Variants in SASH1 observed in about 807,000 individuals in gnomAD.
SASH1 encodes SAM and SH3 domain-containing protein 1.
A neutral mutation model predicts 125.2 loss-of-function variants in SASH1; 44 were observed. The observed-to-expected ratio is 0.35, with a 90% confidence interval of 0.28 to 0.45. SASH1 has a LOEUF of 0.45. SASH1 is among the 20% of genes least tolerant of loss of function. The probability of loss-of-function intolerance (pLI) is 1.00; values close to 1 mark genes in which losing one functional copy is unlikely to be tolerated. For synonymous variants in SASH1, 639 were observed against 649.1 expected (o/e 0.98, Z 0.24); for missense variants, 1,426 against 1,614.5 (o/e 0.88, Z 2.00).
intron 8 of SASH1, among the ~76,000 whole-genome samples, chr6:148,491,517 G>A (rs1441063407): frequency 6.6e-6 from 1 of 152,136 alleles, no homozygotes; most frequent in Non-Finnish European, 1.5e-5. Flanking sequence ...TGATTCACCC[G>A]CCTCGGCCTA....
chr6:148,405,595 C>G lies in SASH1; in HGVS notation c.285+15333C>G, dbSNP rs118176491. Among the ~76,000 whole-genome samples the G allele has an allele frequency of 4.6e-5, 7 of 152,178 alleles. No individual in the cohort carries two copies. In the East Asian group the frequency reaches 1.4e-3, roughly 30 times the overall value. On this transcript the variant is annotated intron_variant, in intron 2 of 19. Transcript: ENST00000367467. Reference sequence around the variant, plus strand: ...TCCTTGCTACCTCTGGCCTTTGTTCCCTCCTCATATTGCTTGGCTCTCCAT... The same window carrying G: ...TCCTTGCTACCTCTGGCCTTTGTTCGCTCCTCATATTGCTTGGCTCTCCAT...
the SASH1 span, among the ~76,000 whole-genome samples, chr6:148,264,176 CGAAAAAAAAAA>C: frequency 4.0e-4 from 21 of 52,408 alleles, no homozygotes; most frequent in East Asian, 9.9e-3. Context: ...TTATTTTGAC[CGAAAAAAAAAA>C]AAAAAAAAAA....
intron 2 of SASH1, among the ~76,000 whole-genome samples, chr6:148,421,797 G>A (rs925193803): frequency 6.6e-6 from 1 of 152,126 alleles, no homozygotes; most frequent in Non-Finnish European, 1.5e-5. Flanking sequence ...ATCTTATTGT[G>A]CTTTTAAACT....
At chr6:148,213,744 C>A in the SASH1 span, among the ~76,000 whole-genome samples, 3 of 152,044 alleles carry the variant, frequency 2.0e-5, no homozygotes, top group Non-Finnish European at 4.4e-5. Flanking sequence ...TCTGTATGTG[C>A]TTGGAGACTT....
At chr6:148,435,378 CA>C (rs35272119) in intron 2 of SASH1, among the ~76,000 whole-genome samples, 39,337 of 104,464 alleles carry the variant, frequency 0.38, 4,598 homozygotes, top group South Asian at 0.58. Flanking sequence ...GACTCTGACT[CA>C]AAAAAAAAAA....
rs1179220015 is a variant in SASH1 at position 148,487,129 on chromosome 6, A to ATATG, written c.628-484_628-483insATGT. The stretch of plus-strand genomic sequence containing the variant: ...CACACACACATATATATATATATAT[A>ATATG]TGTGTATGTTTCAGGGTTTGACCCC... On this transcript the variant is annotated intron_variant, in intron 7 of 19. Transcript: ENST00000367467. Among the ~76,000 whole-genome samples, 5 of 146,412 alleles carry ATATG rather than the reference A, an allele frequency of 3.4e-5. No individual in the cohort carries two copies. In the East Asian group the frequency reaches 6.0e-4, roughly 18 times the overall value.
intron 1 of SASH1, among the ~76,000 whole-genome samples, chr6:148,325,260 TTTTGTTG>T (rs1780765509): frequency 1.9e-5 from 1 of 52,020 alleles, no homozygotes; most frequent in African/African-American, 5.9e-5. Context: ...GAAAAGCCTC[TTTTGTTG>T]TTGTTGTTGT....
intron 2 of SASH1, among the ~76,000 whole-genome samples, chr6:148,431,797 T>A (rs1287302677): frequency 6.6e-6 from 1 of 151,730 alleles, no homozygotes; most frequent in African/African-American, 2.4e-5. Flanking sequence ...ATAGTTAGAG[T>A]CTCTTTGAAT....
the SASH1 span, among the ~76,000 whole-genome samples, chr6:148,217,623 C>G: frequency 6.6e-6 from 1 of 152,086 alleles, no homozygotes; most frequent in Non-Finnish European, 1.5e-5. Flanking sequence ...GCCTGTATCC[C>G]TCAGGAAACA....
intron 1 of SASH1, among the ~76,000 whole-genome samples, chr6:148,307,968 T>C (rs893123820): frequency 2.0e-5 from 3 of 152,102 alleles, no homozygotes; most frequent in African/African-American, 4.8e-5. Context: ...TCTATGGTAA[T>C]ATGAGGGCAG....
At chr6:148,283,928 A>C (rs1381236356) in intron 1 of SASH1, among the ~76,000 whole-genome samples, 1 of 149,996 alleles carries the variant, frequency 6.7e-6, no homozygotes, top group Non-Finnish European at 1.5e-5. Context: ...TATCTATGTA[A>C]TTTTTTTTTT....
rs1217795705 is a variant in SASH1 at position 148,487,608 on chromosome 6, T to C, written c.628-6T>C. The C allele has an allele frequency of 1.2e-6, 2 of 1,609,216 alleles. No homozygotes were observed. Among genetic ancestry groups the C allele is most frequent in the African/African-American group, 2.7e-5 (2 of 74,802 alleles). ...CCATTTCAGTATCCATTTCTTCTTG[T>C]TACAGCTCAAGGAATACGAGGCCCA... On this transcript the variant is annotated splice_region_variant and splice_polypyrimidine_tract_variant and intron_variant, in intron 7 of 19. Transcript: ENST00000367467.
chr6:148,301,824 T>A (rs1779954633), intron 1 of SASH1, among the ~76,000 whole-genome samples: 1 of 146,652 alleles, frequency 6.8e-6, no homozygotes, highest in South Asian at 2.2e-4. Flanking sequence ...GCTGAACTTG[T>A]GAGCTCAAGC....
In SASH1 at chr6:148,532,541, G is replaced by A. The variant is rs1173651819; in HGVS notation, c.1565-256G>A. Among the ~76,000 whole-genome samples the A allele has an allele frequency of 2.0e-5, 3 of 152,212 alleles. No individual in the cohort carries two copies. Among genetic ancestry groups the A allele is most frequent in the African/African-American group, 2.4e-5 (1 of 41,536 alleles). On this transcript the variant is annotated intron_variant, in intron 13 of 19. Transcript: ENST00000367467. The surrounding 1 kb of genome is among the most constrained non-coding windows in gnomAD (Gnocchi z 4.7). ...TGCCTGGCCCTGCAGTGTCCTCCAC[G>A]CGGGATCCTCCGTGCCACATGGATT...
Position 148,326,361 on chromosome 6 carries a change from TATATATATATATACA to T in SASH1, n.74+53985_74+53999del, listed in dbSNP as rs1212444184. On this transcript the variant is annotated intron_variant and non_coding_transcript_variant, in intron 1 of 3. Coordinates refer to the SASH1 transcript ENST00000367469. ...ATATATATATATATATATATATGCA[TATATATATATATACA>T]TTCTTTTCTTTTCTTTTCTTTTCTT... Among the ~76,000 whole-genome samples the T allele has an allele frequency of 2.5e-3, 210 of 85,176 alleles. 7 individuals carry two copies. Among genetic ancestry groups the T allele is most frequent in the African/African-American group, 8.5e-3 (203 of 23,914 alleles). 55.9% of individuals were successfully genotyped at this position (85,176 alleles called of 152,430 possible). A position where few individuals can be genotyped will look rare whatever the true frequency, so the allele number is the denominator to read the frequency against.
intron 6 of SASH1, among the ~76,000 whole-genome samples, chr6:148,473,584 A>C (rs1778212288): frequency 6.6e-6 from 1 of 152,224 alleles, no homozygotes; most frequent in Non-Finnish European, 1.5e-5. Context: ...TAACAGTGAA[A>C]TAGCTTAGTA....
chr6:148,411,924 T>A (rs1250532896), intron 2 of SASH1, among the ~76,000 whole-genome samples: 1 of 152,240 alleles, frequency 6.6e-6, no homozygotes, highest in East Asian at 1.9e-4. Context: ...AAAACCATAA[T>A]GGGAATATTC....
chr6:148,458,252 A>G (rs1448773001), intron 4 of SASH1, among the ~76,000 whole-genome samples: 4 of 152,344 alleles, frequency 2.6e-5, no homozygotes, highest in East Asian at 1.9e-4. Flanking sequence ...AGGCATGTAG[A>G]TGGAGTAAAT....
intron 1 of SASH1, among the ~76,000 whole-genome samples, chr6:148,377,669 A>G (rs1782967697): frequency 6.6e-6 from 1 of 152,362 alleles, no homozygotes; most frequent in Middle Eastern, 3.4e-3. Flanking sequence ...AAGTTATCAA[A>G]TGAGATCATA....
Sources: gnomAD v4.1 joint callset for allele counts (sites outside exome capture counted in the v4.1 genomes callset) on GRCh38, gnomAD v4.1.1 for gene constraint, Gnocchi (gnomAD v3.1) non-coding constraint, MANE v1.5 for transcripts, NCBI Gene and HGNC (gene_info 2026-07-23, HGNC 2026-07-21) for gene names.